Variants in UBE3C observed in about 807,000 individuals in gnomAD.
UBE3C encodes ubiquitin-protein ligase E3C.
A neutral mutation model predicts 129.4 loss-of-function variants in UBE3C; 42 were observed. That is an observed-to-expected ratio of 0.32 (90% CI 0.25 to 0.42). The LOEUF is 0.42. UBE3C is among the 10% of genes least tolerant of loss of function. UBE3C has a pLI of 1.00. For missense variants in UBE3C, 1,049 were observed against 1,319.1 expected (o/e 0.80, Z 3.17); for synonymous variants, 510 against 492.4 (o/e 1.04, Z -0.47).
chr7:157,199,035 T>A (rs1040088559), intron 10 of UBE3C, among the ~76,000 whole-genome samples: 2 of 152,160 alleles, frequency 1.3e-5, no homozygotes, highest in Non-Finnish European at 2.9e-5. Flanking sequence ...TTAGAACCTG[T>A]AGGAAGAACT....
chr7:157,252,108 T>G (rs1796634104), intron 19 of UBE3C, among the ~76,000 whole-genome samples: 2 of 151,848 alleles, frequency 1.3e-5, no homozygotes, highest in South Asian at 4.1e-4. Flanking sequence ...TGCACTCCAG[T>G]GTGGGTGACA....
rs149112065 is a variant in UBE3C at position 157,235,308 on chromosome 7, C to A, written c.2481+3981C>A. Among the ~76,000 whole-genome samples the A allele has an allele frequency of 4.5e-4, 69 of 152,318 alleles. 1 individual carries two copies. The East Asian group carries it at 0.012, about 27-fold the overall frequency. On this transcript the variant is annotated intron_variant, in intron 18 of 22. Coordinates refer to ENST00000348165, the MANE Select transcript of UBE3C (RefSeq NM_014671.3). ...ATATGTGAAAATAAAGGTGAGTGTTCTGCTAGACTAACCTGAAATACTCTA... is the reference window on the plus strand; with the variant it reads ...ATATGTGAAAATAAAGGTGAGTGTTATGCTAGACTAACCTGAAATACTCTA...
chr7:157,233,857 A>G (rs1484229550), intron 18 of UBE3C, among the ~76,000 whole-genome samples: 1 of 152,206 alleles, frequency 6.6e-6, no homozygotes, highest in Non-Finnish European at 1.5e-5. Flanking sequence ...CGTTGTCAGC[A>G]CTTACTTAGT....
Position 157,256,967 on chromosome 7 carries a change from G to T in UBE3C, c.3004G>T (p.Gly1002Trp). The change falls in exon 22 of 23, where the codon GGG becomes TGG. Residue 1002 changes from glycine to tryptophan, a missense_variant. Physicochemically the swap from Gly to Trp is radical, Grantham distance 184. Coordinates refer to ENST00000348165, the MANE Select transcript of UBE3C (RefSeq NM_014671.3). The stretch of plus-strand genomic sequence containing the variant: ...TAAGGTCTTCTGGAGAGTTGTGGAA[G>T]GGTTCACTGATGAAGAAAAGCGCAA... Reference protein sequence around the residue: ...VIKVFWRVVEGFTDEEKRKLL... With the variant: ...VIKVFWRVVEWFTDEEKRKLL... 6.2e-7 allele frequency: 1 copy of T among 1,614,186 alleles called. No individual in the cohort carries two copies. The highest frequency in any genetic ancestry group is 8.5e-7 in the Non-Finnish European group (1 of 1,180,028).
Position 157,225,386 on chromosome 7 carries a change from ACAG to A in UBE3C, c.2101-19_2101-17del. Reference sequence around the variant, plus strand: ...GAGGTCTTTTGTTTCTAATAACCTTACAGCTTTCCTTGTTTGTTAGATCTTTCA... The same window carrying A: ...GAGGTCTTTTGTTTCTAATAACCTTACTTTCCTTGTTTGTTAGATCTTTCA... On this transcript the variant is annotated intron_variant, in intron 16 of 22. Transcript: ENST00000348165. 1 of 1,588,418 alleles carries A rather than the reference ACAG, an allele frequency of 6.3e-7. No individual in the cohort carries two copies. The highest frequency in any genetic ancestry group is 1.4e-5 in the African/African-American group (1 of 73,218).
chr7:157,222,109 G>C (rs888916033), intron 15 of UBE3C: 2 of 152,176 alleles, frequency 1.3e-5, no homozygotes, highest in African/African-American at 4.8e-5. Flanking sequence ...GGGCTCAAGG[G>C]ATCTTCCCAC....
intron 6 of UBE3C, among the ~76,000 whole-genome samples, chr7:157,180,726 TC>T (rs1808645657): frequency 6.6e-6 from 1 of 152,222 alleles, no homozygotes. Context: ...CACCCAGAGT[TC>T]CTATCAGAAG....
chr7:157,188,521 C>G (rs1808869711), intron 10 of UBE3C, among the ~76,000 whole-genome samples: 1 of 152,208 alleles, frequency 6.6e-6, no homozygotes, highest in African/African-American at 2.4e-5. Flanking sequence ...TGAACCAGGA[C>G]ACTTGCTTTT....
intron 13 of UBE3C, among the ~76,000 whole-genome samples, chr7:157,210,436 T>C (rs1809559213): frequency 6.6e-6 from 1 of 152,182 alleles, no homozygotes; most frequent in African/African-American, 2.4e-5. Context: ...GAAAATACTA[T>C]CTCTATTATG....
chr7:157,192,835 G>T, intron 10 of UBE3C: 1 of 1,116,394 alleles, frequency 9.0e-7, no homozygotes. Context: ...ACAAGTAACT[G>T]CGTATGAGTT....
chr7:157,263,833 C>G (rs908469674), intron 22 of UBE3C, among the ~76,000 whole-genome samples: 2 of 149,818 alleles, frequency 1.3e-5, no homozygotes, highest in African/African-American at 4.9e-5. Context: ...GTATAAGAAA[C>G]CTATATTTCC....
At chr7:157,223,499 G>T (rs1244881501) in intron 16 of UBE3C, 148 bp downstream of exon 16, 1 of 643,332 alleles carries the variant, frequency 1.6e-6, no homozygotes, top group Admixed American at 3.4e-5. Flanking sequence ...AGCTAAGAAT[G>T]ATTTATAAAA....
At chr7:157,148,393 A>G (rs572828765) in intron 1 of UBE3C, among the ~76,000 whole-genome samples, 1 of 152,278 alleles carries the variant, frequency 6.6e-6, no homozygotes, top group African/African-American at 2.4e-5. Flanking sequence ...GTGAGCCACC[A>G]TGCTTGGCCT....
At chr7:157,201,829 A>G in intron 11 of UBE3C, 22 bp downstream of exon 11, 1 of 1,583,600 alleles carries the variant, frequency 6.3e-7, no homozygotes, top group South Asian at 1.1e-5. Context: ...ACAGACTTAT[A>G]AATTGAGCTC....
intron 18 of UBE3C, among the ~76,000 whole-genome samples, chr7:157,232,757 T>G (rs1796054766): frequency 6.6e-6 from 1 of 152,260 alleles, no homozygotes; most frequent in South Asian, 2.1e-4. Flanking sequence ...AAAATTTCTT[T>G]GTCTCATTGG....
intron 15 of UBE3C, chr7:157,221,450 A>G (rs1234595149): frequency 1.3e-5 from 2 of 152,134 alleles, no homozygotes; most frequent in Non-Finnish European, 2.9e-5. Flanking sequence ...TAAAAAAAAA[A>G]AATTCTATGG....
At chr7:157,241,753 A>G (rs1370233605) in intron 18 of UBE3C, among the ~76,000 whole-genome samples, 1 of 152,226 alleles carries the variant, frequency 6.6e-6, no homozygotes, top group Admixed American at 6.5e-5. Context: ...AAAGATGGAA[A>G]TGACTCAAAG....
chr7:157,139,643 T>C (rs1223252598), intron 1 of UBE3C, among the ~76,000 whole-genome samples: 1 of 152,202 alleles, frequency 6.6e-6, no homozygotes, highest in African/African-American at 2.4e-5. Flanking sequence ...TCCACTGCGC[T>C]TCGGGACCCG....
In UBE3C at chr7:157,246,512, C is replaced by G. The variant is rs1796480740; in HGVS notation, c.2482-1856C>G. On this transcript the variant is annotated intron_variant, in intron 18 of 22. Transcript: ENST00000348165. ...GACTGTCTCATGGATGAATGACTACCCCATAAAGTTTTGTTTTGATTTTGG... is the reference window on the plus strand; with the variant it reads ...GACTGTCTCATGGATGAATGACTACGCCATAAAGTTTTGTTTTGATTTTGG... Among the ~76,000 whole-genome samples, 3 of 152,126 alleles carry G rather than the reference C, an allele frequency of 2.0e-5. No individual in the cohort carries two copies. The South Asian group carries it at 6.2e-4, about 31-fold the overall frequency.
Sources: allele counts gnomAD v4.1 joint callset (sites outside exome capture counted in the v4.1 genomes callset), GRCh38; gene constraint gnomAD v4.1.1; transcripts MANE v1.5; gene names NCBI Gene and HGNC (gene_info 2026-07-23, HGNC 2026-07-21).